The following PDE1C variants were observed in gnomAD, a reference collection of about 807,000 sequenced individuals.
PDE1C encodes the protein dual specificity calcium/calmodulin-dependent 3',5'-cyclic nucleotide phosphodiesterase 1C.
Under a neutral mutation model 93.1 loss-of-function variants are expected in PDE1C, and 62 were observed. That is an observed-to-expected ratio of 0.67 (90% CI 0.54 to 0.82). The LOEUF is 0.82. PDE1C is among the 40% of genes least tolerant of loss of function. The probability of loss-of-function intolerance (pLI) is 0.00; values close to 1 mark genes in which losing one functional copy is unlikely to be tolerated. For missense variants in PDE1C, 742 were observed against 884.6 expected, an observed-to-expected ratio of 0.84 and a Z score of 2.04; for synonymous variants, 325 against 310.1, an observed-to-expected ratio of 1.05 and a Z score of -0.50.
rs1803299938 is a variant in PDE1C at position 32,180,205 on chromosome 7, G to A, written c.137-10249C>T. On this transcript the variant is annotated intron_variant, in intron 2 of 18. Coordinates refer to the PDE1C transcript ENST00000396193. ...GTTATTTTCAATATAGTAGTTACTG[G>A]TTTTAGGAACTTTTCCGGAATTCTG... Among the ~76,000 whole-genome samples the A allele has an allele frequency of 2.6e-5, 4 of 152,190 alleles. No individual in the cohort carries two copies. In the South Asian group the frequency reaches 8.3e-4, roughly 32 times the overall value.
intron 2 of PDE1C, among the ~76,000 whole-genome samples, chr7:31,918,996 G>A (rs1052693726): frequency 9.9e-5 from 15 of 152,236 alleles, no homozygotes; most frequent in East Asian, 5.8e-4. Flanking sequence ...ATCAGGTTAC[G>A]TGCAAATAAT....
intron 17 of PDE1C, among the ~76,000 whole-genome samples, chr7:31,766,378 T>C (rs1197556543): frequency 7.7e-6 from 1 of 130,346 alleles, no homozygotes; most frequent in Non-Finnish European, 1.8e-5. Flanking sequence ...AGCAAGACTG[T>C]GTCTCAAAAA....
chr7:32,363,711 C>G (rs1049555364), intron 1 of PDE1C, among the ~76,000 whole-genome samples: 3 of 152,130 alleles, frequency 2.0e-5, no homozygotes, highest in African/African-American at 7.2e-5. Context: ...AGATTAAACA[C>G]CACACAAACA....
At chr7:31,919,764 G>A (rs1802375054) in intron 2 of PDE1C, among the ~76,000 whole-genome samples, 1 of 152,196 alleles carries the variant, frequency 6.6e-6, no homozygotes, top group Admixed American at 6.5e-5. Flanking sequence ...TTGCCTAGGG[G>A]AAAATCCAGT....
chr7:32,057,530 G>A (rs889472154), intron 1 of PDE1C, among the ~76,000 whole-genome samples: 1 of 152,214 alleles, frequency 6.6e-6, no homozygotes, highest in Non-Finnish European at 1.5e-5. Context: ...AGGGCAAAGA[G>A]CACTGACCTC....
At chr7:32,404,407 G>A (rs1051915678) in intron 1 of PDE1C, among the ~76,000 whole-genome samples, 5 of 152,164 alleles carry the variant, frequency 3.3e-5, no homozygotes, top group African/African-American at 1.2e-4. Flanking sequence ...AGGCTGGAGT[G>A]CAGTGGCAAG....
chr7:32,094,307 A>G (rs1381025005), intron 3 of PDE1C, among the ~76,000 whole-genome samples: 1 of 152,088 alleles, frequency 6.6e-6, no homozygotes, highest in African/African-American at 2.4e-5. Context: ...TCAAAAACCC[A>G]CACCAAGAAC....
intron 16 of PDE1C, among the ~76,000 whole-genome samples, chr7:31,797,132 A>G (rs1431169780): frequency 6.6e-6 from 1 of 151,758 alleles, no homozygotes; most frequent in East Asian, 1.9e-4. Flanking sequence ...GAAATGGGTC[A>G]CAGGAGTTTT....
At chr7:31,778,791 C>T (rs954402822) in intron 16 of PDE1C, among the ~76,000 whole-genome samples, 4 of 152,152 alleles carry the variant, frequency 2.6e-5, no homozygotes, top group Non-Finnish European at 5.9e-5. Context: ...ATTCTGACAA[C>T]AAAATTATCC....
At chr7:31,624,799 G>T in the PDE1C span, among the ~76,000 whole-genome samples, 816 of 152,174 alleles carry the variant, frequency 5.4e-3, 7 homozygotes, top group African/African-American at 0.019. Context: ...AAGAGCTTCT[G>T]CACAGCAAAA....
chr7:32,193,294 A>T (rs530030568), intron 2 of PDE1C, among the ~76,000 whole-genome samples: 2 of 152,120 alleles, frequency 1.3e-5, no homozygotes, highest in African/African-American at 2.4e-5. Context: ...GTTTTTGTAG[A>T]TCTTCCTTAT....
the PDE1C span, among the ~76,000 whole-genome samples, chr7:31,727,225 A>T: frequency 6.6e-6 from 1 of 152,130 alleles, no homozygotes; most frequent in Admixed American, 6.6e-5. Context: ...TGTGGTGCCC[A>T]TTCTCCCTTG....
At chr7:31,639,016 A>T in the PDE1C span, among the ~76,000 whole-genome samples, 1 of 152,124 alleles carries the variant, frequency 6.6e-6, no homozygotes, top group Non-Finnish European at 1.5e-5. Context: ...ACCTCAGGTG[A>T]TCTGCCTGCC....
the PDE1C span, among the ~76,000 whole-genome samples, chr7:31,711,010 G>A: frequency 3.7e-4 from 56 of 152,306 alleles, 1 homozygote; most frequent in African/African-American, 1.3e-3. Flanking sequence ...AAGAAGAAAA[G>A]GATAGGTGTA....
At chr7:32,025,891 T>G (rs1442986262) in intron 2 of PDE1C, among the ~76,000 whole-genome samples, 1 of 152,108 alleles carries the variant, frequency 6.6e-6, no homozygotes, top group Admixed American at 6.5e-5. Context: ...TAGCTGTGCC[T>G]TTTCAGGCCA....
chr7:32,313,057 G>GAA (rs573705100), intron 1 of PDE1C, among the ~76,000 whole-genome samples: 10 of 151,698 alleles, frequency 6.6e-5, no homozygotes, highest in Admixed American at 5.9e-4. Flanking sequence ...AAATTTACAA[G>GAA]AAAAAAACAA....
chr7:32,341,173 C>CTTTTTTTTTTTTTTTTT (rs3079623), intron 1 of PDE1C, among the ~76,000 whole-genome samples: 3 of 84,952 alleles, frequency 3.5e-5, no homozygotes, highest in African/African-American at 4.3e-5. Context: ...GAAATAAAGT[C>CTTTTTTTTTTTTTTTTT]TTTTTTTTTT....
intron 17 of PDE1C, among the ~76,000 whole-genome samples, chr7:31,754,748 G>A (rs1164307530): frequency 6.6e-6 from 1 of 152,156 alleles, no homozygotes; most frequent in Non-Finnish European, 1.5e-5. Flanking sequence ...GAGGAGGGAT[G>A]GTTAAATAGG....
intron 1 of PDE1C, among the ~76,000 whole-genome samples, chr7:32,237,597 C>A (rs1808203015): frequency 6.6e-6 from 1 of 151,020 alleles, no homozygotes; most frequent in South Asian, 2.1e-4. Flanking sequence ...CAAAAAAAAT[C>A]TCAGCAAACT....
Sources: allele counts gnomAD v4.1 joint callset (sites outside exome capture counted in the v4.1 genomes callset), GRCh38; gene constraint gnomAD v4.1.1; transcripts MANE v1.5; gene names NCBI Gene and HGNC (gene_info 2026-07-23, HGNC 2026-07-21).